Variants in NKAIN2 observed in about 807,000 individuals in gnomAD.
The protein encoded by NKAIN2 is sodium/potassium-transporting ATPase subunit beta-1-interacting protein 2.
NKAIN2 carries 14 observed loss-of-function variants against 32.6 expected under a neutral mutation model. That is an observed-to-expected ratio of 0.43 (90% CI 0.28 to 0.67). The LOEUF is 0.67. Ranked by LOEUF, NKAIN2 falls within the 30% of genes least tolerant of loss-of-function variation. The pLI, the probability that NKAIN2 is intolerant of heterozygous loss-of-function variation, is 0.17. For synonymous variants in NKAIN2, 80 were observed against 87.2 expected (o/e 0.92, Z 0.46); for missense variants, 198 against 258.3 (o/e 0.77, Z 1.60).
intron 1 of NKAIN2, among the ~76,000 whole-genome samples, chr6:123,872,181 G>T (rs1157071735): frequency 6.6e-6 from 1 of 152,124 alleles, no homozygotes; most frequent in Non-Finnish European, 1.5e-5. Flanking sequence ...AGAACCTGAG[G>T]TGAGGATTCA....
intron 1 of NKAIN2, among the ~76,000 whole-genome samples, chr6:123,934,903 C>T (rs1776428732): frequency 6.6e-6 from 1 of 151,428 alleles, no homozygotes; most frequent in African/African-American, 2.4e-5. Context: ...TTTTCCCTTT[C>T]CAAATGAGTA....
intron 1 of NKAIN2, among the ~76,000 whole-genome samples, chr6:123,908,970 G>A (rs569248924): frequency 5.9e-5 from 9 of 152,230 alleles, no homozygotes; most frequent in Non-Finnish European, 1.0e-4. Context: ...TTGTGTTGCC[G>A]AATTATGCTT....
Position 124,207,494 on chromosome 6 carries a change from A to T in NKAIN2, c.55-75511A>T, listed in dbSNP as rs983528341. Among the ~76,000 whole-genome samples the T allele has an allele frequency of 2.7e-5, 4 of 149,162 alleles. No homozygotes were observed. In the Admixed American group the frequency reaches 2.7e-4, roughly 10 times the overall value. The stretch of plus-strand genomic sequence containing the variant: ...GTTACATCCTTCTCTGTGTTGCCAT[A>T]TGATTTTTACAGTTTTACTATAGCA... On this transcript the variant is annotated intron_variant, in intron 1 of 6. Coordinates refer to ENST00000368417, the MANE Select transcript of NKAIN2 (RefSeq NM_001040214.3).
At chr6:124,466,031 A>C (rs1776740192) in intron 3 of NKAIN2, among the ~76,000 whole-genome samples, 1 of 152,160 alleles carries the variant, frequency 6.6e-6, no homozygotes, top group South Asian at 2.1e-4. Flanking sequence ...ATCATTAACC[A>C]TCCTTCTTTC....
chr6:124,674,225 CTGT>C (rs1295747214), intron 4 of NKAIN2, among the ~76,000 whole-genome samples: 1 of 151,924 alleles, frequency 6.6e-6, no homozygotes, highest in Middle Eastern at 3.2e-3. Context: ...CTATATGTAT[CTGT>C]TGTTATGCCA....
chr6:124,583,037 T>C (rs517819), intron 3 of NKAIN2, among the ~76,000 whole-genome samples: 135,999 of 152,060 alleles, frequency 0.89, 61,039 homozygotes, highest in Non-Finnish European at 0.93. Context: ...AAAACCAAAA[T>C]CCCTTCTTCT....
chr6:124,349,536 T>C (rs1000142714), intron 2 of NKAIN2, among the ~76,000 whole-genome samples: 2 of 152,186 alleles, frequency 1.3e-5, no homozygotes, highest in African/African-American at 2.4e-5. Flanking sequence ...TAGATAATAT[T>C]AGGAGAGTTA....
At chr6:124,148,811 T>C (rs988585457) in intron 1 of NKAIN2, among the ~76,000 whole-genome samples, 2 of 152,226 alleles carry the variant, frequency 1.3e-5, no homozygotes, top group Non-Finnish European at 2.9e-5. Flanking sequence ...TGTTTTTATT[T>C]AGTTTTGGAT....
Position 123,846,080 on chromosome 6 carries a change from T to C in NKAIN2, c.54+41826T>C, listed in dbSNP as rs537656037. Among the ~76,000 whole-genome samples the C allele has an allele frequency of 1.0e-3, 155 of 152,332 alleles. 1 individual carries two copies. Among genetic ancestry groups the C allele is most frequent in the African/African-American group, 3.7e-3 (154 of 41,574 alleles). The stretch of plus-strand genomic sequence containing the variant: ...TACATTTTTATATGAATGTTTTATA[T>C]GCATCTTCTTTTTCTAACCATGCAG... On this transcript the variant is annotated intron_variant, in intron 1 of 6. Coordinates refer to ENST00000368417, the MANE Select transcript of NKAIN2 (RefSeq NM_001040214.3).
At chr6:123,961,280 AG>A (rs1228232948) in intron 1 of NKAIN2, among the ~76,000 whole-genome samples, 1 of 152,140 alleles carries the variant, frequency 6.6e-6, no homozygotes, top group African/African-American at 2.4e-5. Flanking sequence ...CTGTACCTAA[AG>A]CCTTTCTTGC....
intron 1 of NKAIN2, among the ~76,000 whole-genome samples, chr6:124,153,620 G>T (rs566936602): frequency 1.3e-3 from 203 of 151,362 alleles, no homozygotes; most frequent in Middle Eastern, 3.4e-3. Flanking sequence ...GTGACATTTT[G>T]GTCTCTTTCA....
chr6:124,750,379 C>A (rs1277212699), intron 4 of NKAIN2, among the ~76,000 whole-genome samples: 3 of 151,858 alleles, frequency 2.0e-5, no homozygotes, highest in South Asian at 4.2e-4. Flanking sequence ...ATGTCTATAC[C>A]CACCTGTGTC....
At position 123,815,934 on chromosome 6, in the gene NKAIN2, C is replaced by A. The variant is rs562806154; in HGVS notation, c.54+11680C>A. Among the ~76,000 whole-genome samples the A allele has an allele frequency of 9.2e-5, 14 of 151,950 alleles. No homozygotes were observed. The South Asian group carries it at 2.5e-3, about 27-fold the overall frequency. On this transcript the variant is annotated intron_variant, in intron 1 of 6. Coordinates refer to ENST00000368417, the MANE Select transcript of NKAIN2 (RefSeq NM_001040214.3). ...GATTAAATGTGGCATGGTAGATATA[C>A]CGTTAATATAGGGCAGCATGATAAG...
chr6:124,454,106 T>TTG lies in NKAIN2; in HGVS notation c.273+98759_273+98760insTG, dbSNP rs1491320529. Among the ~76,000 whole-genome samples the TTG allele has an allele frequency of 6.2e-3, 379 of 60,740 alleles. 2 individuals carry two copies. Among genetic ancestry groups the TTG allele is most frequent in the Non-Finnish European group, 0.011 (268 of 24,052 alleles). 39.8% of individuals were successfully genotyped at this position (60,740 alleles called of 152,430 possible). On this transcript the variant is annotated intron_variant, in intron 3 of 6. Transcript: ENST00000368417. ...TCTTTAATATGTTGGGTTTTTTTTT[T>TTG]GGGGGGGGGGGTTGCTGGTTTATTT...
At chr6:124,505,906 G>A (rs1451561386) in intron 3 of NKAIN2, among the ~76,000 whole-genome samples, 2 of 152,118 alleles carry the variant, frequency 1.3e-5, no homozygotes, top group East Asian at 3.9e-4. Context: ...GGGGGCGGTG[G>A]CTCAAGCCTG....
chr6:124,567,917 T>C (rs1780981154), intron 3 of NKAIN2, among the ~76,000 whole-genome samples: 1 of 152,196 alleles, frequency 6.6e-6, no homozygotes, highest in Non-Finnish European at 1.5e-5. Context: ...ATCTAGCGTG[T>C]GTTGACTGGG....
Position 124,534,293 on chromosome 6 carries a change from G to A in NKAIN2, c.274-123893G>A, listed in dbSNP as rs6907971. 1.6e-3 allele frequency among the ~76,000 whole-genome samples: 243 copies of A among 152,196 alleles called. 10 individuals carry two copies. In the East Asian group the frequency reaches 0.037, roughly 23 times the overall value. ...AGCCTCTTGAGTAGCTGAGATTACA[G>A]GAGTGCACCACCACAACCAGCTAAT... On this transcript the variant is annotated intron_variant, in intron 3 of 6. Coordinates refer to ENST00000368417, the MANE Select transcript of NKAIN2 (RefSeq NM_001040214.3).
At chr6:124,184,768 C>A (rs1332214027) in intron 1 of NKAIN2, among the ~76,000 whole-genome samples, 1 of 152,062 alleles carries the variant, frequency 6.6e-6, no homozygotes, top group Non-Finnish European at 1.5e-5. Flanking sequence ...TATTTAGTCC[C>A]AGAATCAAAG....
At chr6:124,304,717 C>T (rs1796439384) in intron 2 of NKAIN2, among the ~76,000 whole-genome samples, 1 of 151,566 alleles carries the variant, frequency 6.6e-6, no homozygotes, top group African/African-American at 2.4e-5. Flanking sequence ...AGATAGAGAC[C>T]ATTCTGGCCA....
Sources: gnomAD v4.1 joint callset for allele counts (sites outside exome capture counted in the v4.1 genomes callset) on GRCh38, gnomAD v4.1.1 for gene constraint, MANE v1.5 for transcripts, NCBI Gene and HGNC (gene_info 2026-07-23, HGNC 2026-07-21) for gene names.